CCDC178: variants seen among roughly 807,000 people sequenced by gnomAD.
The protein encoded by CCDC178 is coiled-coil domain-containing protein 178.
A neutral mutation model predicts 117.4 loss-of-function variants in CCDC178; 126 were observed. The observed-to-expected ratio is 1.07, with a 90% CI of 0.93 to 1.24. CCDC178 has a LOEUF of 1.24. Ranked by LOEUF, CCDC178 falls within the 50% of genes most tolerant of loss-of-function variation. The probability of loss-of-function intolerance (pLI) is 0.00; values close to 1 mark genes in which losing one functional copy is unlikely to be tolerated. For synonymous variants in CCDC178, 283 were observed against 313.4 expected, an observed-to-expected ratio of 0.90 and a Z score of 1.02; for missense variants, 1,030 against 986.9, an observed-to-expected ratio of 1.04 and a Z score of -0.59.
chr18:33,107,273 CAG>C (rs1006605106), intron 20 of CCDC178, among the ~76,000 whole-genome samples: 1 of 151,516 alleles, frequency 6.6e-6, no homozygotes, highest in Non-Finnish European at 1.5e-5. Context: ...AGCATTTTAA[CAG>C]TGGAAAATCA....
chr18:33,438,551 C>A (rs1057397035), intron 2 of CCDC178, among the ~76,000 whole-genome samples: 1 of 151,688 alleles, frequency 6.6e-6, no homozygotes, highest in African/African-American at 2.4e-5. Context: ...CAAACACACA[C>A]ACACACACAC....
intron 21 of CCDC178, among the ~76,000 whole-genome samples, chr18:33,026,842 C>A (rs1257426171): frequency 6.6e-6 from 1 of 151,726 alleles, no homozygotes; most frequent in East Asian, 1.9e-4. Flanking sequence ...TAAGGTGAGG[C>A]AAATCCAAAT....
chr18:33,400,601 C>T (rs936515510), intron 3 of CCDC178, among the ~76,000 whole-genome samples: 3 of 152,202 alleles, frequency 2.0e-5, no homozygotes, highest in Non-Finnish European at 4.4e-5. Flanking sequence ...AGCTTCTTCA[C>T]CTCTCTTAGC....
intron 21 of CCDC178, among the ~76,000 whole-genome samples, chr18:33,009,576 C>A (rs1247092267): frequency 6.6e-6 from 1 of 151,982 alleles, no homozygotes; most frequent in African/African-American, 2.4e-5. Context: ...TCCTTCTCAG[C>A]TAATACTTCT....
chr18:33,422,309 T>C (rs2064037344), intron 2 of CCDC178, among the ~76,000 whole-genome samples: 1 of 152,218 alleles, frequency 6.6e-6, no homozygotes, highest in South Asian at 2.1e-4. Flanking sequence ...TTCATTATTG[T>C]TTACAATCTG....
intron 9 of CCDC178, among the ~76,000 whole-genome samples, chr18:33,344,652 T>C (rs577996751): frequency 6.6e-5 from 10 of 152,218 alleles, no homozygotes; most frequent in African/African-American, 2.4e-4. Flanking sequence ...ATATTTTTTC[T>C]ACTACTACTA....
At position 33,370,158 on chromosome 18, in the gene CCDC178, T is replaced by C. The variant is rs776385853; in HGVS notation, c.240A>G (p.Pro80=). 1 of 1,604,572 alleles carries C rather than the reference T, an allele frequency of 6.2e-7. No individual in the cohort carries two copies. The highest frequency in any genetic ancestry group is 2.3e-5 in the East Asian group (1 of 44,396). The change falls in exon 6 of 23, where the codon CCA becomes CCG. Residue 80 remains proline, a synonymous_variant. Transcript: ENST00000383096. The part of the protein sequence containing the change: ...GVNKGIYFSY[P]CRRHSCAVVN... Reference sequence around the variant, plus strand: ...CTACGGCACAGCTGTGACGTCGACATGGGTAGCTAAAGTAAATGCCTTTAT... The same window carrying C: ...CTACGGCACAGCTGTGACGTCGACACGGGTAGCTAAAGTAAATGCCTTTAT...
In CCDC178 at chr18:33,246,890, T is replaced by C. The variant is rs556298653; in HGVS notation, c.1410-1462A>G. ...AATTGCAATAATGTTATCCCCAATATCATCTTTGTATGATCACTGGGAATC... is the reference window on the plus strand; with the variant it reads ...AATTGCAATAATGTTATCCCCAATACCATCTTTGTATGATCACTGGGAATC... On this transcript the variant is annotated intron_variant, in intron 14 of 22. Transcript: ENST00000383096. 4.6e-5 allele frequency among the ~76,000 whole-genome samples: 7 copies of C among 152,024 alleles called. No individual in the cohort carries two copies. The South Asian group carries it at 1.5e-3, about 32-fold the overall frequency.
At chr18:33,141,549 A>G (rs1371887480) in intron 20 of CCDC178, among the ~76,000 whole-genome samples, 58 of 152,350 alleles carry the variant, frequency 3.8e-4, no homozygotes, top group Non-Finnish European at 2.1e-4. Context: ...GGTTAGCCAT[A>G]CTGGACATTT....
At chr18:32,999,818 A>G (rs540052919) in intron 21 of CCDC178, among the ~76,000 whole-genome samples, 1 of 152,308 alleles carries the variant, frequency 6.6e-6, no homozygotes, top group East Asian at 1.9e-4. Context: ...GGCTATAGAT[A>G]CCAAAACTCA....
At position 33,323,636 on chromosome 18, in the gene CCDC178, A is replaced by G; in HGVS notation, c.880-3T>C. On this transcript the variant is annotated splice_region_variant and splice_polypyrimidine_tract_variant and intron_variant, in intron 10 of 22. Coordinates refer to ENST00000383096, the MANE Select transcript of CCDC178 (RefSeq NM_001105528.4). Reference sequence around the variant, plus strand: ...ACTTTTCTGTGTAGGTCCATTACCTAGAAATGAAAATATTTTTGCTTATAT... The same window carrying G: ...ACTTTTCTGTGTAGGTCCATTACCTGGAAATGAAAATATTTTTGCTTATAT... The G allele has an allele frequency of 6.8e-7, 1 of 1,465,964 alleles. No individual in the cohort carries two copies. The allele number at this position is 1,465,964 out of a possible 1,614,324, so 90.8% of individuals were successfully genotyped here.
intron 14 of CCDC178, among the ~76,000 whole-genome samples, chr18:33,264,233 T>C (rs1300525717): frequency 6.6e-6 from 1 of 152,074 alleles, no homozygotes; most frequent in Non-Finnish European, 1.5e-5. Flanking sequence ...ATAATCGAAA[T>C]AGATAAAATT....
chr18:33,110,838 G>A (rs2057771062), intron 20 of CCDC178, among the ~76,000 whole-genome samples: 1 of 151,448 alleles, frequency 6.6e-6, no homozygotes, highest in South Asian at 2.1e-4. Flanking sequence ...TAGGTATCTG[G>A]CAGTAATTTC....
intron 12 of CCDC178, among the ~76,000 whole-genome samples, chr18:33,271,054 AAATTACATTGTG>A: frequency 6.6e-6 from 1 of 151,484 alleles, no homozygotes. Flanking sequence ...TTTTTTTTGT[AAATTACATTGTG>A]AATTCCACTC....
At chr18:33,098,704 T>A (rs770869975) in intron 20 of CCDC178, among the ~76,000 whole-genome samples, 4 of 152,066 alleles carry the variant, frequency 2.6e-5, no homozygotes, top group Non-Finnish European at 4.4e-5. Context: ...ATTGATTGAT[T>A]TTACTCCAGA....
At chr18:33,028,813 T>C (rs1285941717) in intron 21 of CCDC178, among the ~76,000 whole-genome samples, 5 of 151,858 alleles carry the variant, frequency 3.3e-5, no homozygotes, top group African/African-American at 1.2e-4. Flanking sequence ...ATTGATGTGA[T>C]GTATTACATT....
At chr18:33,315,262 A>C (rs1284158603) in intron 11 of CCDC178, among the ~76,000 whole-genome samples, 4 of 152,194 alleles carry the variant, frequency 2.6e-5, no homozygotes, top group African/African-American at 9.6e-5. Context: ...TGGCAAAAAA[A>C]GGTGAGGTAC....
At chr18:33,109,720 T>TA (rs1176172933) in intron 20 of CCDC178, among the ~76,000 whole-genome samples, 1 of 150,278 alleles carries the variant, frequency 6.7e-6, no homozygotes, top group Non-Finnish European at 1.5e-5. Flanking sequence ...TATAGTACCA[T>TA]AGTATATATT....
At chr18:32,986,397 C>G (rs765284330) in intron 21 of CCDC178, among the ~76,000 whole-genome samples, 11 of 151,936 alleles carry the variant, frequency 7.2e-5, no homozygotes, top group Non-Finnish European at 1.3e-4. Flanking sequence ...TGCAAATTGT[C>G]TCTGGAAAAA....
Sources: allele counts gnomAD v4.1 joint callset (sites outside exome capture counted in the v4.1 genomes callset), GRCh38; gene constraint gnomAD v4.1.1; transcripts MANE v1.5; gene names NCBI Gene and HGNC (gene_info 2026-07-23, HGNC 2026-07-21).